KANSL1: variants seen among roughly 807,000 people sequenced by gnomAD.
KANSL1 encodes KAT8 regulatory NSL complex subunit 1.
Under a neutral mutation model 103.6 loss-of-function variants are expected in KANSL1, and 22 were observed. That is an observed-to-expected ratio of 0.21 (90% CI 0.15 to 0.30). The LOEUF (loss-of-function observed/expected upper bound fraction) is 0.30, where lower values mean the gene tolerates loss of function less well. Ranked by LOEUF, KANSL1 falls within the 10% of genes least tolerant of loss-of-function variation. KANSL1 has a pLI of 1.00. For synonymous variants in KANSL1, 600 were observed against 527.6 expected, an observed-to-expected ratio of 1.14 and a Z score of -1.88; for missense variants, 1,337 against 1,399.8, an observed-to-expected ratio of 0.96 and a Z score of 0.72.
intron 2 of KANSL1, among the ~76,000 whole-genome samples, chr17:46,113,633 G>T (rs141129239): frequency 6.9e-6 from 1 of 145,816 alleles, no homozygotes; most frequent in East Asian, 2.4e-4. Context: ...TCATGAGTTG[G>T]ACTAAAAAAA....
chr17:46,070,500 A>C (rs2078535354), intron 4 of KANSL1, among the ~76,000 whole-genome samples: 1 of 152,144 alleles, frequency 6.6e-6, no homozygotes. Context: ...GATTTACTAC[A>C]CAGGGGAAAC....
chr17:46,058,619 A>G (rs17653998), intron 6 of KANSL1, among the ~76,000 whole-genome samples: 21,782 of 152,186 alleles, frequency 0.14, 2,127 homozygotes, highest in Non-Finnish European at 0.22. Context: ...CTAAGGTATC[A>G]GATAAATGAA....
intron 2 of KANSL1, among the ~76,000 whole-genome samples, chr17:46,131,459 T>TA (rs1400385621): frequency 2.0e-5 from 3 of 152,212 alleles, no homozygotes; most frequent in African/African-American, 7.2e-5. Flanking sequence ...TGCAAACTGG[T>TA]AAAAAACTTG....
chr17:46,036,475 T>C (rs1419976656), intron 10 of KANSL1, among the ~76,000 whole-genome samples: 2 of 152,254 alleles, frequency 1.3e-5, no homozygotes, highest in South Asian at 2.1e-4. Context: ...CTTTTCATTA[T>C]TCTCTAAACA....
intron 2 of KANSL1, among the ~76,000 whole-genome samples, chr17:46,119,664 A>C (rs1437159100): frequency 6.6e-6 from 1 of 152,158 alleles, no homozygotes; most frequent in Non-Finnish European, 1.5e-5. Flanking sequence ...TACAAATTCC[A>C]ATCTTTCATC....
intron 2 of KANSL1, among the ~76,000 whole-genome samples, chr17:46,140,444 C>G (rs1486994207): frequency 6.6e-6 from 1 of 151,940 alleles, no homozygotes; most frequent in Non-Finnish European, 1.5e-5. Context: ...CATTGAAACT[C>G]CTGGAAAAAA....
intron 2 of KANSL1, among the ~76,000 whole-genome samples, chr17:46,136,934 G>A (rs1430609905): frequency 6.6e-6 from 1 of 152,204 alleles, no homozygotes; most frequent in South Asian, 2.1e-4. Flanking sequence ...TCAGGGTTGG[G>A]AACTGAATCC....
intron 10 of KANSL1, 195 bp downstream of exon 10, chr17:46,038,329 TGAAAAACAACTCAA>T (rs2077210118): frequency 1.7e-6 from 1 of 590,200 alleles, no homozygotes; most frequent in African/African-American, 1.9e-5. Context: ...ATCTCTGCTA[TGAAAAACAACTCAA>T]GAAAAACAAC....
intron 2 of KANSL1, among the ~76,000 whole-genome samples, chr17:46,167,294 G>T (rs2046054847): frequency 6.6e-6 from 1 of 151,992 alleles, no homozygotes; most frequent in South Asian, 2.1e-4. Flanking sequence ...ACTCTAAGAG[G>T]GAAAAACAAA....
intron 2 of KANSL1, among the ~76,000 whole-genome samples, chr17:46,152,590 G>T (rs1025227787): frequency 7.0e-6 from 1 of 142,228 alleles, no homozygotes; most frequent in Non-Finnish European, 1.5e-5. Context: ...AAAGGGGGGG[G>T]GGGGATTTCA....
chr17:46,171,020 G>A lies in KANSL1; in HGVS notation c.1124C>T (p.Ser375Leu), dbSNP rs142696045. Residue 375 changes from serine (S) to leucine (L), a missense_variant, in exon 2 of 15, where the codon TCA becomes TTA. Transcript: ENST00000432791. ...EGLSNFLKSN[S>L]ISEELERFTA... is the part of the protein sequence containing the mutation. ...AAATCTCTCCAATTCTTCTGAAATT[G>A]AATTGCTTTTCAGAAAGTTGCTAAG... 3.5e-4 allele frequency: 557 copies of A among 1,613,940 alleles called. No homozygotes were observed. Among genetic ancestry groups the A allele is most frequent in the Non-Finnish European group, 4.4e-4 (520 of 1,179,936 alleles).
chr17:46,050,682 C>A lies in KANSL1; in HGVS notation c.1871G>T (p.Arg624Leu), dbSNP rs774078834. ...GGAGGGATTCACATCACAGCCAGGG[C>A]GGATTGTGCTGTTCCGGTGAACCTG... ...SKKVHRNSTI[R>L]PGCDVNPSCA... is the part of the protein sequence containing the mutation. Residue 624 changes from arginine (R) to leucine (L), a missense_variant, in exon 7 of 15, where the codon CGC (arginine) becomes CTC (leucine). Arg to Leu is a moderately radical substitution (Grantham distance 102). Transcript: ENST00000432791. The A allele has an allele frequency of 6.2e-7, 1 of 1,613,774 alleles. No individual in the cohort carries two copies. The highest frequency in any genetic ancestry group is 1.3e-5 in the African/African-American group (1 of 75,006).
chr17:46,121,901 A>ATG (rs2043297968), intron 2 of KANSL1, among the ~76,000 whole-genome samples: 1 of 152,246 alleles, frequency 6.6e-6, no homozygotes, highest in Admixed American at 6.5e-5. Flanking sequence ...TAACGTGCTC[A>ATG]GAACACATAC....
At chr17:46,200,246 A>G (rs2047753950) in intron 1 of KANSL1, among the ~76,000 whole-genome samples, 1 of 152,224 alleles carries the variant, frequency 6.6e-6, no homozygotes, top group East Asian at 1.9e-4. Flanking sequence ...TCAGATAATA[A>G]AGCTGAGTGT....
intron 1 of KANSL1, among the ~76,000 whole-genome samples, chr17:46,216,690 G>C (rs981834085): frequency 6.6e-6 from 1 of 151,822 alleles, no homozygotes; most frequent in African/African-American, 2.4e-5. Context: ...ACTTCTTTAA[G>C]TCATGCTATC....
At chr17:46,122,744 T>C (rs1466878638) in intron 2 of KANSL1, among the ~76,000 whole-genome samples, 1 of 152,262 alleles carries the variant, frequency 6.6e-6, no homozygotes. Flanking sequence ...ATATTTCAAA[T>C]GTTTTCATTA....
intron 2 of KANSL1, among the ~76,000 whole-genome samples, chr17:46,107,976 T>C (rs1245001333): frequency 1.3e-5 from 2 of 152,204 alleles, no homozygotes; most frequent in Non-Finnish European, 2.9e-5. Flanking sequence ...TGCCACTTCA[T>C]TGTTAGTACT....
At chr17:46,208,711 C>T (rs2048057754) in intron 1 of KANSL1, among the ~76,000 whole-genome samples, 2 of 151,838 alleles carry the variant, frequency 1.3e-5, no homozygotes, top group Non-Finnish European at 2.9e-5. Context: ...CAGGTGGCTT[C>T]CCTTCCTCTC....
In KANSL1 at chr17:46,172,022, T is replaced by C. The variant is rs142587760; in HGVS notation, c.122A>G (p.Asn41Ser). 9.9e-5 allele frequency: 160 copies of C among 1,614,268 alleles called. No homozygotes were observed. The highest frequency in any genetic ancestry group is 3.6e-4 in the African/African-American group (27 of 75,074). ...PGSAENNGNA[N>S]ILIAANGTKR... ...GGTTCCGTTGGCAGCAATAAGGATG[T>C]TGGCGTTGCCGTTATTTTCGGCACT... Residue 41 changes from asparagine to serine, a missense_variant, in exon 2 of 15, where the codon AAC becomes AGC. Physicochemically the swap from Asn to Ser is conservative, Grantham distance 46. Around this residue, in one of 2 missense-constraint regions of KANSL1, gnomAD observed 557 missense variants for 476.4 expected, o/e 1.17. Coordinates refer to ENST00000432791, the MANE Select transcript of KANSL1 (RefSeq NM_015443.4).
Sources: allele counts gnomAD v4.1 joint callset (sites outside exome capture counted in the v4.1 genomes callset), GRCh38; gene constraint gnomAD v4.1.1; regional missense constraint gnomAD v4.1.1; transcripts MANE v1.5; gene names NCBI Gene and HGNC (gene_info 2026-07-23, HGNC 2026-07-21).